Variants in NECTIN1 observed in about 807,000 individuals in gnomAD.
NECTIN1 encodes the protein nectin cell adhesion molecule 1, also known as nectin-1.
In NECTIN1, 23 loss-of-function variants were observed where a neutral mutation model predicts 48.0. The observed-to-expected ratio is 0.48, with a 90% CI of 0.34 to 0.68. The LOEUF (loss-of-function observed/expected upper bound fraction) is 0.68, where lower values mean the gene tolerates loss of function less well. Among genes scored for constraint, NECTIN1 ranks in the 30% least tolerant of loss-of-function variants. The pLI is 0.01. For missense variants in NECTIN1, 591 were observed against 709.9 expected (o/e 0.83, Z 1.90); for synonymous variants, 270 against 288.9 (o/e 0.93, Z 0.66).
chr11:119,679,491 G>A (rs1865022990), intron 1 of NECTIN1, among the ~76,000 whole-genome samples: 2 of 152,082 alleles, frequency 1.3e-5, no homozygotes, highest in African/African-American at 2.4e-5. Context: ...CCAGGCCTCC[G>A]CTGGCTCCCC....
intron 1 of NECTIN1, among the ~76,000 whole-genome samples, chr11:119,712,284 T>G (rs897406356): frequency 1.3e-5 from 2 of 148,900 alleles, no homozygotes; most frequent in Non-Finnish European, 3.0e-5. Flanking sequence ...GCCCACTCCT[T>G]CTCAGCCTCC....
In NECTIN1 at chr11:119,663,016, AGGGAG is replaced by A. The variant is rs61043359; in HGVS notation, c.*1726_*1730del. ...TGGCAGGGGGTTCAATAGCAGCACC[AGGGAG>A]GGGAGGGGAGGGGTTGGGGGGCTCC... On this transcript the variant is annotated 3_prime_UTR_variant, in exon 6 of 6. Coordinates refer to ENST00000264025, the MANE Select transcript of NECTIN1 (RefSeq NM_002855.5). The A allele has an allele frequency of 1.0e-4, 86 of 822,496 alleles. No individual in the cohort carries two copies. The highest frequency in any genetic ancestry group is 3.3e-4 in the Admixed American group (5 of 15,102). The allele number at this position is 822,496 out of a possible 1,614,324, so 50.9% of individuals were successfully genotyped here.
At chr11:119,681,363 GGGATTGGTGCCATGCAT>G (rs1175372168) in intron 1 of NECTIN1, among the ~76,000 whole-genome samples, 7 of 152,194 alleles carry the variant, frequency 4.6e-5, no homozygotes, top group African/African-American at 9.6e-5. Flanking sequence ...GAGCCATTTT[GGGATTGGTGCCATGCAT>G]GGATTGGTGC....
chr11:119,648,292 G>C (rs112102363), intron 5 of NECTIN1, among the ~76,000 whole-genome samples: 5,984 of 18,082 alleles, frequency 0.33, 1,117 homozygotes, highest in Non-Finnish European at 0.39. Flanking sequence ...GGTGGTGATG[G>C]TGGTGGTGGT....
intron 1 of NECTIN1, among the ~76,000 whole-genome samples, chr11:119,681,488 C>A (rs1299330498): frequency 2.0e-5 from 3 of 152,152 alleles, no homozygotes; most frequent in Non-Finnish European, 4.4e-5. Context: ...AGGGCACAGT[C>A]CCTGGGGCAC....
At position 119,677,359 on chromosome 11, in the gene NECTIN1, A is replaced by G. The variant is rs2135551288; in HGVS notation, c.734-140T>C. ...AGGGAAGTGTGGGTGGGAGGGTGGC[A>G]ATCACAGAGCCCGGGAGTGGAAACA... On this transcript the variant is annotated intron_variant, in intron 3 of 5. Coordinates refer to ENST00000264025, the MANE Select transcript of NECTIN1 (RefSeq NM_002855.5). This position sits in a 1 kb window ranked among gnomAD's most constrained non-coding sequence, Gnocchi z 5.4. 2.0e-6 allele frequency: 2 copies of G among 1,017,524 alleles called. No individual in the cohort carries two copies. Among genetic ancestry groups the G allele is most frequent in the Non-Finnish European group, 3.1e-6 (2 of 652,496 alleles). The allele number at this position is 1,017,524 out of a possible 1,614,324, so 63.0% of individuals were successfully genotyped here. A position where few individuals can be genotyped will look rare whatever the true frequency, so the allele number is the denominator to read the frequency against.
Position 119,728,819 on chromosome 11 carries a change from C to A in NECTIN1, c.-266G>T. On this transcript the variant is annotated 5_prime_UTR_variant, in exon 1 of 6. Coordinates refer to ENST00000264025, the MANE Select transcript of NECTIN1 (RefSeq NM_002855.5). ...GCCCCTTCGCCTCCTCCGCTCTCCTCCCGGCGCCGGTCCCCGCCCTCTTCT... is the reference window on the plus strand; with the variant it reads ...GCCCCTTCGCCTCCTCCGCTCTCCTACCGGCGCCGGTCCCCGCCCTCTTCT... 2.7e-6 allele frequency: 1 copy of A among 371,310 alleles called. No individual in the cohort carries two copies. Among genetic ancestry groups the A allele is most frequent in the Admixed American group, 4.7e-5 (1 of 21,312 alleles). 23.0% of individuals were successfully genotyped at this position (371,310 alleles called of 1,614,324 possible). A position where few individuals can be genotyped will look rare whatever the true frequency, so the allele number is the denominator to read the frequency against.
At chr11:119,728,181 G>A (rs1372223460) in intron 1 of NECTIN1, among the ~76,000 whole-genome samples, 1 of 152,266 alleles carries the variant, frequency 6.6e-6, no homozygotes, top group Admixed American at 6.5e-5. Flanking sequence ...CAGAGAGCTG[G>A]TTATTAAATA....
At chr11:119,666,506 C>G (rs114309627) in intron 5 of NECTIN1, among the ~76,000 whole-genome samples, 1 of 152,226 alleles carries the variant, frequency 6.6e-6, no homozygotes, top group Non-Finnish European at 1.5e-5. Context: ...CAGGGCCATG[C>G]CACGGGCCAA....
intron 5 of NECTIN1, among the ~76,000 whole-genome samples, chr11:119,649,344 GCACT>G (rs939113216): frequency 1.3e-5 from 2 of 150,948 alleles, no homozygotes; most frequent in Non-Finnish European, 3.0e-5. Context: ...TTGTGCCACT[GCACT>G]CCAGCCTGAC....
chr11:119,722,363 A>G (rs532697098), intron 1 of NECTIN1, among the ~76,000 whole-genome samples: 1 of 152,358 alleles, frequency 6.6e-6, no homozygotes, highest in African/African-American at 2.4e-5. Flanking sequence ...TGACCCCAGC[A>G]GGGATTCTCT....
chr11:119,726,538 A>G (rs1180651081), intron 1 of NECTIN1, among the ~76,000 whole-genome samples: 1 of 152,090 alleles, frequency 6.6e-6, no homozygotes, highest in Non-Finnish European at 1.5e-5. Context: ...TTTCATGTAG[A>G]TTTTTGGCAG....
intron 1 of NECTIN1, among the ~76,000 whole-genome samples, chr11:119,716,862 G>T (rs193197986): frequency 6.6e-6 from 1 of 152,314 alleles, no homozygotes; most frequent in East Asian, 1.9e-4. Context: ...GCGCGCGCAC[G>T]CACGCACGCA....
At chr11:119,687,582 T>A (rs952102965) in intron 1 of NECTIN1, among the ~76,000 whole-genome samples, 1 of 152,214 alleles carries the variant, frequency 6.6e-6, no homozygotes, top group Non-Finnish European at 1.5e-5. Flanking sequence ...TGTGCATTTT[T>A]AATGACACAT....
intron 7 of NECTIN1, chr11:119,638,653 C>A: frequency 6.0e-6 from 8 of 1,326,108 alleles, no homozygotes; most frequent in Non-Finnish European, 8.5e-6. Context: ...TCAGCTTGGG[C>A]TCTCTCCTTG....
intron 1 of NECTIN1, among the ~76,000 whole-genome samples, chr11:119,681,377 G>A (rs1865058954): frequency 6.6e-6 from 1 of 152,202 alleles, no homozygotes; most frequent in Non-Finnish European, 1.5e-5. Flanking sequence ...TTGGTGCCAT[G>A]CATGGATTGG....
chr11:119,717,238 C>T (rs918875782), intron 1 of NECTIN1, among the ~76,000 whole-genome samples: 17 of 152,226 alleles, frequency 1.1e-4, no homozygotes, highest in South Asian at 2.1e-4. Context: ...GGGTGGGGAA[C>T]GGTGCTGTGG....
At chr11:119,685,851 G>A (rs1482497832) in intron 1 of NECTIN1, among the ~76,000 whole-genome samples, 1 of 152,206 alleles carries the variant, frequency 6.6e-6, no homozygotes, top group Non-Finnish European at 1.5e-5. Context: ...TTTCTGTATG[G>A]CCTTGGATAG....
rs1334191247 is a variant in NECTIN1 at position 119,729,118 on chromosome 11, C to G, written c.-565G>C. 1 of 151,668 alleles carries G rather than the reference C, an allele frequency of 6.6e-6. No individual in the cohort carries two copies. The highest frequency in any genetic ancestry group is 1.5e-5 in the Non-Finnish European group (1 of 67,794). 9.4% of individuals were successfully genotyped at this position (151,668 alleles called of 1,614,324 possible). ...CGCGAGGAGAACGGGTCGGAGGCGCCGCGCGTCCCAGCCGCCGCCGCTCTG... is the reference window on the plus strand; with the variant it reads ...CGCGAGGAGAACGGGTCGGAGGCGCGGCGCGTCCCAGCCGCCGCCGCTCTG... On this transcript the variant is annotated 5_prime_UTR_variant, in exon 1 of 6. Transcript: ENST00000264025.
Sources: allele counts gnomAD v4.1 joint callset (sites outside exome capture counted in the v4.1 genomes callset), GRCh38; gene constraint gnomAD v4.1.1; non-coding constraint Gnocchi (gnomAD v3.1); transcripts MANE v1.5; gene names NCBI Gene and HGNC (gene_info 2026-07-23, HGNC 2026-07-21).